Variants in TRPC5OS observed in about 807,000 individuals in gnomAD.
The protein encoded by TRPC5OS is putative uncharacterized protein TRPC5OS.
For synonymous variants in TRPC5OS, 30 were observed against 29.3 expected, an observed-to-expected ratio of 1.02 and a Z score of -0.08; for missense variants, 64 against 79.3, an observed-to-expected ratio of 0.81 and a Z score of 0.73.
chrX:111,884,971 A>G (rs1924406895), intron 1 of TRPC5OS, among the ~76,000 whole-genome samples: 2 of 111,542 alleles, frequency 1.8e-5, no homozygotes, highest in Non-Finnish European at 3.8e-5. Context: ...CATCCTAGTT[A>G]AGATCTGGCC....
intron 1 of TRPC5OS, among the ~76,000 whole-genome samples, chrX:111,895,265 C>T (rs769264936): frequency 9.0e-6 from 1 of 111,644 alleles, no homozygotes; most frequent in Non-Finnish European, 1.9e-5. Flanking sequence ...TTAATTTGCA[C>T]TTCCCTGATG....
At chrX:111,899,568 A>G (rs767430799) in intron 3 of TRPC5OS, among the ~76,000 whole-genome samples, 3 of 111,047 alleles carry the variant, frequency 2.7e-5, no homozygotes, top group South Asian at 3.8e-4. Flanking sequence ...AGAAGCTGAG[A>G]AAAAAAACTG....
intron 1 of TRPC5OS, among the ~76,000 whole-genome samples, chrX:111,889,714 G>T (rs1464497066): frequency 9.0e-6 from 1 of 111,413 alleles, no homozygotes; most frequent in Non-Finnish European, 1.9e-5. Context: ...ATTTTTTTTA[G>T]GATATTAGGA....
intron 1 of TRPC5OS, among the ~76,000 whole-genome samples, chrX:111,878,711 G>GT (rs1342077940): frequency 9.0e-6 from 1 of 111,337 alleles, no homozygotes; most frequent in Non-Finnish European, 1.9e-5. Flanking sequence ...GGGTGGAGGG[G>GT]TGGTGGAGAG....
Position 111,903,614 on chromosome X carries a change from G to C in TRPC5OS, c.*1429G>C, listed in dbSNP as rs1037584723. The C allele has an allele frequency of 8.9e-6, 1 of 112,287 alleles. No homozygotes were observed. Among genetic ancestry groups the C allele is most frequent in the Non-Finnish European group, 1.9e-5 (1 of 53,283 alleles). The allele number at this position is 112,287 out of a possible 1,213,427, so 9.3% of individuals were successfully genotyped here. A position where few individuals can be genotyped will look rare whatever the true frequency, so the allele number is the denominator to read the frequency against. On this transcript the variant is annotated 3_prime_UTR_variant, in exon 4 of 4. Coordinates refer to ENST00000635763, the MANE Select transcript of TRPC5OS (RefSeq NM_001195578.2). ...TTGAAATCCTGCATCTCCTCCAGGAGAATGGAGTGAGTGGCTGATCCTTTA... is the reference window on the plus strand; with the variant it reads ...TTGAAATCCTGCATCTCCTCCAGGACAATGGAGTGAGTGGCTGATCCTTTA...
Position 111,891,552 on chromosome X carries a change from T to C in TRPC5OS, c.-545-4399T>C, listed in dbSNP as rs142489598. ...GATTATTTTGTTTATTTTATTTTTT[T>C]ATTTTTGAGATGGAGTCTCACACTG... On this transcript the variant is annotated intron_variant, in intron 1 of 3. Coordinates refer to ENST00000635763, the MANE Select transcript of TRPC5OS (RefSeq NM_001195578.2). Among the ~76,000 whole-genome samples the C allele has an allele frequency of 9.7e-3, 1,075 of 111,393 alleles. 28 individuals carry two copies. The highest frequency in any genetic ancestry group is 0.061 in the Admixed American group (639 of 10,449).
Position 111,903,680 on chromosome X carries a change from TA to T in TRPC5OS, c.*1498del, listed in dbSNP as rs1044813651. On this transcript the variant is annotated 3_prime_UTR_variant, in exon 4 of 4. Coordinates refer to ENST00000635763, the MANE Select transcript of TRPC5OS (RefSeq NM_001195578.2). The stretch of plus-strand genomic sequence containing the variant: ...TTCTGTATCTTCTTAAGACCAGTGT[TA>T]AAGCCAATTATTATATAGCATGGCA... 1.8e-5 allele frequency: 2 copies of T among 112,103 alleles called. No individual in the cohort carries two copies. The highest frequency in any genetic ancestry group is 6.5e-5 in the African/African-American group (2 of 30,894). The allele number at this position is 112,103 out of a possible 1,213,427, so 9.2% of individuals were successfully genotyped here. A position where few individuals can be genotyped will look rare whatever the true frequency, so the allele number is the denominator to read the frequency against.
intron 1 of TRPC5OS, among the ~76,000 whole-genome samples, chrX:111,895,247 T>C: frequency 8.9e-6 from 1 of 111,869 alleles, no homozygotes; most frequent in Admixed American, 9.5e-5. Context: ...GCATATCTCA[T>C]TGTGGTTTTA....
At chrX:111,877,594 C>T (rs1224250195) in intron 1 of TRPC5OS, among the ~76,000 whole-genome samples, 1 of 111,259 alleles carries the variant, frequency 9.0e-6, no homozygotes, top group African/African-American at 3.3e-5. Context: ...GAGTCAGAGG[C>T]ACAGCTTGGG....
intron 1 of TRPC5OS, among the ~76,000 whole-genome samples, chrX:111,878,302 G>GA (rs199629240): frequency 0.042 from 4,489 of 106,152 alleles, 233 homozygotes; most frequent in African/African-American, 0.15. Flanking sequence ...CCACACTGTA[G>GA]AAAAAGAAAA....
chrX:111,896,026 C>T lies in TRPC5OS; in HGVS notation c.-470C>T, dbSNP rs1224724200. 1 of 111,069 alleles carries T rather than the reference C, an allele frequency of 9.0e-6. No individual in the cohort carries two copies. Among genetic ancestry groups the T allele is most frequent in the Non-Finnish European group, 1.9e-5 (1 of 53,007 alleles). 9.2% of individuals were successfully genotyped at this position (111,069 alleles called of 1,213,427 possible). On this transcript the variant is annotated 5_prime_UTR_variant, in exon 2 of 4. Coordinates refer to ENST00000635763, the MANE Select transcript of TRPC5OS (RefSeq NM_001195578.2). The stretch of plus-strand genomic sequence containing the variant: ...AGAGGGAGAATTTGTCTCTGAAGTA[C>T]CAGGAGACTGCAGGAGATTTTCCTG...
chrX:111,903,140 T>G lies in TRPC5OS; in HGVS notation c.*955T>G, dbSNP rs1925438891. On this transcript the variant is annotated 3_prime_UTR_variant, in exon 4 of 4. Transcript: ENST00000635763. ...TGTACTGTAATGGTACCTCAGGAAC[T>G]AGATAAGATATATTCCAGTGTTTGC... 1 of 111,758 alleles carries G rather than the reference T, an allele frequency of 8.9e-6. No individual in the cohort carries two copies. Among genetic ancestry groups the G allele is most frequent in the African/African-American group, 3.2e-5 (1 of 30,790 alleles). 9.2% of individuals were successfully genotyped at this position (111,758 alleles called of 1,213,427 possible). A position where few individuals can be genotyped will look rare whatever the true frequency, so the allele number is the denominator to read the frequency against.
chrX:111,876,910 T>A (rs1923975309), intron 1 of TRPC5OS, among the ~76,000 whole-genome samples: 2 of 111,753 alleles, frequency 1.8e-5, no homozygotes, highest in Non-Finnish European at 3.8e-5. Context: ...ATAACAACAT[T>A]TCTTAGGTGT....
chrX:111,879,237 A>G (rs2148598095), intron 1 of TRPC5OS, among the ~76,000 whole-genome samples: 1 of 112,259 alleles, frequency 8.9e-6, no homozygotes, highest in Admixed American at 9.4e-5. Flanking sequence ...TGTAAAAAAA[A>G]GGTAGAGAAG....
intron 3 of TRPC5OS, among the ~76,000 whole-genome samples, chrX:111,899,492 A>C (rs936307785): frequency 9.0e-5 from 10 of 111,702 alleles, no homozygotes; most frequent in Admixed American, 2.9e-4. Context: ...AGAATGAAAC[A>C]CATAAGTGAA....
chrX:111,898,251 T>TTATATATATA (rs58112324), intron 3 of TRPC5OS, among the ~76,000 whole-genome samples: 3 of 92,420 alleles, frequency 3.2e-5, no homozygotes, highest in African/African-American at 1.2e-4. Context: ...GTAGGGGTTC[T>TTATATATATA]TATATATATA....
chrX:111,897,714 C>T (rs142022149), intron 3 of TRPC5OS, among the ~76,000 whole-genome samples: 130 of 111,398 alleles, frequency 1.2e-3, no homozygotes, highest in African/African-American at 4.1e-3. Flanking sequence ...CTCAGTAGTG[C>T]CTTTCTTTTT....
At chrX:111,878,815 G>C (rs1047827782) in intron 1 of TRPC5OS, among the ~76,000 whole-genome samples, 12 of 111,461 alleles carry the variant, frequency 1.1e-4, no homozygotes, top group African/African-American at 3.9e-4. Context: ...ATTCTTCCTT[G>C]AGTGAGAAAC....
intron 1 of TRPC5OS, among the ~76,000 whole-genome samples, chrX:111,877,430 T>A (rs1924002886): frequency 9.0e-6 from 1 of 110,588 alleles, no homozygotes; most frequent in South Asian, 3.9e-4. Flanking sequence ...TTGCTTGGGG[T>A]TGAGGGAATT....
Sources: gnomAD v4.1 joint callset for allele counts (sites outside exome capture counted in the v4.1 genomes callset) on GRCh38, gnomAD v4.1.1 for gene constraint, MANE v1.5 for transcripts, NCBI Gene and HGNC (gene_info 2026-07-23, HGNC 2026-07-21) for gene names.